Variants in TBC1D14 observed in about 807,000 individuals in gnomAD.
TBC1D14 encodes TBC1 domain family member 14, also known as TBC1 domain family, member 14.
Under a neutral mutation model 79.0 loss-of-function variants are expected in TBC1D14, and 26 were observed. The ratio of observed to expected loss-of-function variants is 0.33; its 90% confidence interval spans 0.24 to 0.46. TBC1D14 has a LOEUF of 0.46. TBC1D14 is among the 20% of genes least tolerant of loss of function. The pLI is 1.00. For missense variants in TBC1D14, 769 were observed against 887.6 expected, an observed-to-expected ratio of 0.87 and a Z score of 1.70; for synonymous variants, 394 against 349.9, an observed-to-expected ratio of 1.13 and a Z score of -1.40.
intron 1 of TBC1D14, among the ~76,000 whole-genome samples, chr4:6,915,613 A>T (rs1000178447): frequency 2.0e-5 from 3 of 152,116 alleles, no homozygotes; most frequent in Non-Finnish European, 4.4e-5. Context: ...CCTGGCTCAC[A>T]GGGCTGCTGA....
intron 12 of TBC1D14, among the ~76,000 whole-genome samples, chr4:7,023,927 G>C (rs140188256): frequency 3.3e-5 from 5 of 152,342 alleles, no homozygotes; most frequent in African/African-American, 1.2e-4. Flanking sequence ...GTTGAATGAA[G>C]TCTAGATTTT....
intron 12 of TBC1D14, among the ~76,000 whole-genome samples, chr4:7,016,475 G>T (rs1238311526): frequency 2.6e-5 from 4 of 152,258 alleles, no homozygotes; most frequent in Non-Finnish European, 5.9e-5. Context: ...GACGGGAGGG[G>T]ATCCAGGCAG....
At chr4:7,020,805 G>T (rs1428771264) in intron 12 of TBC1D14, among the ~76,000 whole-genome samples, 1 of 152,162 alleles carries the variant, frequency 6.6e-6, no homozygotes, top group African/African-American at 2.4e-5. Context: ...GGCTCATGCA[G>T]TTCTCCTGCC....
intron 1 of TBC1D14, among the ~76,000 whole-genome samples, chr4:6,913,566 CAT>C (rs1237452478): frequency 1.3e-5 from 2 of 152,214 alleles, no homozygotes; most frequent in Admixed American, 6.5e-5. Flanking sequence ...CTCTGAATCT[CAT>C]AGTTTCCTCA....
At chr4:6,972,475 C>T (rs1716311397) in intron 3 of TBC1D14, among the ~76,000 whole-genome samples, 1 of 152,168 alleles carries the variant, frequency 6.6e-6, no homozygotes, top group African/African-American at 2.4e-5. Flanking sequence ...TGCCCGTTCG[C>T]CCACCTTTTC....
chr4:6,997,845 T>A (rs1719222310), intron 5 of TBC1D14, among the ~76,000 whole-genome samples: 1 of 152,006 alleles, frequency 6.6e-6, no homozygotes, highest in Non-Finnish European at 1.5e-5. Flanking sequence ...AGTAGAATGA[T>A]GGGTGCTAGG....
chr4:6,984,164 G>T (rs1439287489), intron 3 of TBC1D14, among the ~76,000 whole-genome samples: 1 of 152,198 alleles, frequency 6.6e-6, no homozygotes, highest in Non-Finnish European at 1.5e-5. Flanking sequence ...TAGAAAGCTG[G>T]AATGTGTACC....
At chr4:6,931,620 A>G (rs1175134902) in intron 2 of TBC1D14, among the ~76,000 whole-genome samples, 1 of 152,210 alleles carries the variant, frequency 6.6e-6, no homozygotes, top group Non-Finnish European at 1.5e-5. Flanking sequence ...CAGAAAGAAC[A>G]GCTGTGCTTG....
At chr4:6,921,827 G>A (rs1560243789) in intron 1 of TBC1D14, among the ~76,000 whole-genome samples, 1 of 151,700 alleles carries the variant, frequency 6.6e-6, no homozygotes, top group Non-Finnish European at 1.5e-5. Flanking sequence ...TTCCCTAGTA[G>A]CTGAGATTAC....
At chr4:6,988,885 C>CTTTTTTTTTTTTTTTTTTTTTT (rs34268749) in intron 3 of TBC1D14, among the ~76,000 whole-genome samples, 2 of 76,808 alleles carry the variant, frequency 2.6e-5, no homozygotes, top group Non-Finnish European at 4.6e-5. Flanking sequence ...TTCTTTCTTT[C>CTTTTTTTTTTTTTTTTTTTTTT]TTTTTTTTTT....
At chr4:6,987,668 T>A (rs1372061304) in intron 3 of TBC1D14, 1 of 326,562 alleles carries the variant, frequency 3.1e-6, no homozygotes, top group Admixed American at 4.9e-5. Context: ...CTCCTTACCC[T>A]GTTTTCAGAG....
intron 3 of TBC1D14, chr4:6,987,670 T>G (rs1718007389): frequency 6.2e-6 from 2 of 323,730 alleles, no homozygotes; most frequent in Admixed American, 9.9e-5. Context: ...CCTTACCCTG[T>G]TTTCAGAGCC....
chr4:6,997,634 AT>A (rs1393884301), intron 5 of TBC1D14, among the ~76,000 whole-genome samples: 11 of 152,214 alleles, frequency 7.2e-5, no homozygotes, highest in African/African-American at 2.7e-4. Flanking sequence ...TCAAAAAAAA[AT>A]AATAAAAATA....
intron 3 of TBC1D14, among the ~76,000 whole-genome samples, chr4:6,974,584 A>T (rs924725309): frequency 6.6e-6 from 1 of 152,214 alleles, no homozygotes; most frequent in Non-Finnish European, 1.5e-5. Context: ...GATGGTGCAC[A>T]GGCAGGATGG....
At chr4:7,022,556 G>T (rs1721934964) in intron 12 of TBC1D14, among the ~76,000 whole-genome samples, 1 of 152,194 alleles carries the variant, frequency 6.6e-6, no homozygotes, top group Non-Finnish European at 1.5e-5. Flanking sequence ...AGCCTGCAGG[G>T]GACAGAGGCT....
chr4:6,953,539 G>C (rs1197090066), intron 2 of TBC1D14, among the ~76,000 whole-genome samples: 1 of 143,722 alleles, frequency 7.0e-6, no homozygotes, highest in Non-Finnish European at 1.5e-5. Context: ...GCTGAGGCAG[G>C]AGAATGGCGT....
chr4:6,970,753 C>A (rs1375716085), intron 3 of TBC1D14, among the ~76,000 whole-genome samples: 1 of 139,654 alleles, frequency 7.2e-6, no homozygotes, highest in African/African-American at 2.8e-5. Flanking sequence ...TGGCCAGGAG[C>A]TTTGGACCTG....
rs748889966 is a variant in TBC1D14 at position 6,988,885 on chromosome 4, C to CTTTCTTT, written c.844-5296_844-5295insCTTTTTT. On this transcript the variant is annotated intron_variant, in intron 3 of 13. Coordinates refer to ENST00000409757, the MANE Select transcript of TBC1D14 (RefSeq NM_020773.3). ...TTCTTTTTTCTTTCTTTCTTTCTTTCTTTTTTTTTTTTTTTTTTTTTTTGA... is the reference window on the plus strand; with the variant it reads ...TTCTTTTTTCTTTCTTTCTTTCTTTCTTTCTTTTTTTTTTTTTTTTTTTTTTTTTTGA... Among the ~76,000 whole-genome samples the CTTTCTTT allele has an allele frequency of 3.2e-3, 244 of 76,856 alleles. 3 individuals carry two copies. The highest frequency in any genetic ancestry group is 4.8e-3 in the Non-Finnish European group (206 of 43,366). The allele number at this position is 76,856 out of a possible 152,430, so 50.4% of individuals were successfully genotyped here.
At chr4:6,945,570 G>A (rs1477618388) in intron 2 of TBC1D14, among the ~76,000 whole-genome samples, 1 of 152,004 alleles carries the variant, frequency 6.6e-6, no homozygotes, top group African/African-American at 2.4e-5. Flanking sequence ...CCAACATGGA[G>A]AAACCCCGTC....
Sources: gnomAD v4.1 joint callset for allele counts (sites outside exome capture counted in the v4.1 genomes callset) on GRCh38, gnomAD v4.1.1 for gene constraint, MANE v1.5 for transcripts, NCBI Gene and HGNC (gene_info 2026-07-23, HGNC 2026-07-21) for gene names.